GRID1: variants seen among roughly 807,000 people sequenced by gnomAD.
GRID1 encodes glutamate receptor ionotropic, delta-1.
GRID1 carries 28 observed loss-of-function variants against 98.0 expected under a neutral mutation model. The ratio of observed to expected loss-of-function variants is 0.29; its 90% CI spans 0.21 to 0.39. The LOEUF (loss-of-function observed/expected upper bound fraction) is 0.39, where lower values mean the gene tolerates loss of function less well. GRID1 is among the 10% of genes least tolerant of loss of function. GRID1 has a pLI of 1.00. For synonymous variants in GRID1, 553 were observed against 538.5 expected (o/e 1.03, Z -0.37); for missense variants, 1,111 against 1,340.5 (o/e 0.83, Z 2.67).
chr10:85,648,356 G>C (rs1843224140), intron 12 of GRID1, among the ~76,000 whole-genome samples: 1 of 152,130 alleles, frequency 6.6e-6, no homozygotes, highest in African/African-American at 2.4e-5. Flanking sequence ...TCAGCGTGTT[G>C]ACAGAACGTC....
Position 86,138,901 on chromosome 10 carries a change from T to A in GRID1, c.644A>T (p.Glu215Val). The A allele has an allele frequency of 6.2e-7, 1 of 1,614,140 alleles. No individual in the cohort carries two copies. The highest frequency in any genetic ancestry group is 8.5e-7 in the Non-Finnish European group (1 of 1,179,940). The change falls in exon 4 of 16, where the codon GAG becomes GTG. Residue 215 changes from glutamate to valine, a missense_variant. Glu to Val is a moderately radical substitution (Grantham distance 121). Around this residue, in one of 3 missense-constraint regions of GRID1, gnomAD observed 346 missense variants for 452.3 expected, o/e 0.76. Coordinates refer to ENST00000327946, the MANE Select transcript of GRID1 (RefSeq NM_017551.3). ...FTSLFTTMKT[E>V]ELNRYRDTLR... Reference sequence around the variant, plus strand: ...CGTGTCCCGGTAGCGATTCAGCTCCTCTGTCTTCATCGTGGTGAAGAGGCT... The same window carrying A: ...CGTGTCCCGGTAGCGATTCAGCTCCACTGTCTTCATCGTGGTGAAGAGGCT...
At chr10:85,840,356 T>A (rs1028073581) in intron 8 of GRID1, among the ~76,000 whole-genome samples, 2 of 152,010 alleles carry the variant, frequency 1.3e-5, no homozygotes, top group Admixed American at 6.6e-5. Flanking sequence ...AAGAGCCATA[T>A]GTAAAAAACC....
At chr10:85,864,411 C>T (rs78191556) in intron 6 of GRID1, among the ~76,000 whole-genome samples, 11,280 of 152,320 alleles carry the variant, frequency 0.074, 483 homozygotes, top group Middle Eastern at 0.13. Flanking sequence ...TATCTGTCCA[C>T]ACCCAAGGCT....
At chr10:86,084,537 A>G (rs990181592) in intron 4 of GRID1, among the ~76,000 whole-genome samples, 1 of 152,238 alleles carries the variant, frequency 6.6e-6, no homozygotes, top group Admixed American at 6.5e-5. Context: ...CACTGAACAT[A>G]TACCCAAAAT....
rs76011457 is a variant in GRID1, at chr10:86,072,060, C to T, written c.726+66759G>A. Among the ~76,000 whole-genome samples, 288 of 152,140 alleles carry T rather than the reference C, an allele frequency of 1.9e-3. 11 individuals are homozygous for T. In the East Asian group the frequency reaches 0.05, roughly 26 times the overall value. ...CAGGTGAGAGGAAGATGGGAGGAAC[C>T]GGGGGTGAAGGAAAGGTAGCCTAGT... On this transcript the variant is annotated intron_variant, in intron 4 of 15. Transcript: ENST00000327946.
intron 4 of GRID1, among the ~76,000 whole-genome samples, chr10:86,004,313 G>A (rs1222870828): frequency 6.6e-6 from 1 of 152,198 alleles, no homozygotes; most frequent in African/African-American, 2.4e-5. Flanking sequence ...TATCAAAGAA[G>A]AGATAGATAT....
At chr10:86,350,247 AG>A (rs1339015860) in intron 2 of GRID1, among the ~76,000 whole-genome samples, 1 of 152,200 alleles carries the variant, frequency 6.6e-6, no homozygotes, top group Non-Finnish European at 1.5e-5. Flanking sequence ...AGCCCTGGCA[AG>A]GGGTCTGGAT....
intron 8 of GRID1, among the ~76,000 whole-genome samples, chr10:85,799,113 T>C (rs1176780227): frequency 2.0e-5 from 3 of 152,146 alleles, no homozygotes; most frequent in South Asian, 2.1e-4. Context: ...CTTTTTCTAA[T>C]GTCTGCTCTT....
intron 13 of GRID1, 21 bp from the exon 14 acceptor site, chr10:85,620,054 T>C (rs2292310): frequency 0.048 from 77,280 of 1,608,686 alleles, 3,111 homozygotes; most frequent in African/African-American, 0.21. Context: ...AAAATTACCA[T>C]GAAGTCAGGC....
At chr10:86,109,636 T>C (rs1319543124) in intron 4 of GRID1, among the ~76,000 whole-genome samples, 1 of 152,228 alleles carries the variant, frequency 6.6e-6, no homozygotes, top group Admixed American at 6.5e-5. Context: ...AGAAGGCCTC[T>C]CTATGTCATC....
intron 4 of GRID1, among the ~76,000 whole-genome samples, chr10:85,974,803 T>A (rs1262887295): frequency 1.3e-5 from 2 of 152,200 alleles, no homozygotes; most frequent in Non-Finnish European, 2.9e-5. Flanking sequence ...ATTTTTTATT[T>A]TTGCAGTGAC....
At chr10:86,138,562 A>G (rs1844962614) in intron 4 of GRID1, among the ~76,000 whole-genome samples, 1 of 152,204 alleles carries the variant, frequency 6.6e-6, no homozygotes, top group African/African-American at 2.4e-5. Flanking sequence ...AGTGACTTGT[A>G]AACAGGCTTC....
intron 4 of GRID1, among the ~76,000 whole-genome samples, chr10:86,024,471 G>A (rs775538234): frequency 1.3e-5 from 2 of 152,074 alleles, no homozygotes; most frequent in South Asian, 2.1e-4. Context: ...AACTTCAATT[G>A]GCCTAAAATA....
In GRID1 at chr10:86,287,766, G is replaced by A. The variant is rs552660973; in HGVS notation, c.235+76175C>T. 6.6e-5 allele frequency among the ~76,000 whole-genome samples: 10 copies of A among 151,844 alleles called. No homozygotes were observed. The South Asian group carries it at 8.4e-4, about 13-fold the overall frequency. On this transcript the variant is annotated intron_variant, in intron 2 of 15. Transcript: ENST00000327946. ...AGTTTCACAGTTTAAATGGTTTCTC[G>A]GTGGTCAGCCTAACTTCTGAGCCAC...
At chr10:86,258,110 A>G (rs1041629155) in intron 2 of GRID1, among the ~76,000 whole-genome samples, 2 of 152,220 alleles carry the variant, frequency 1.3e-5, no homozygotes. Context: ...GAAAACTCAA[A>G]GTGCAGTAAA....
At chr10:86,245,495 CTTTACTCCATTCCTCCTCTACCAT>C (rs1846709679) in intron 2 of GRID1, among the ~76,000 whole-genome samples, 2 of 149,502 alleles carry the variant, frequency 1.3e-5, no homozygotes, top group Non-Finnish European at 3.0e-5. Context: ...CTACCATTTG[CTTTACTCCATTCCTCCTCTACCAT>C]TTGCTTTACT....
At chr10:85,754,490 C>T (rs958650436) in intron 8 of GRID1, among the ~76,000 whole-genome samples, 3 of 152,062 alleles carry the variant, frequency 2.0e-5, no homozygotes, top group African/African-American at 7.2e-5. Context: ...ATCCTCTGAG[C>T]ATATGAGACT....
intron 5 of GRID1, among the ~76,000 whole-genome samples, chr10:85,909,617 A>G (rs1289434112): frequency 6.6e-6 from 1 of 152,238 alleles, no homozygotes; most frequent in Admixed American, 6.5e-5. Flanking sequence ...ATGAATCTCA[A>G]AATAATTTCA....
intron 4 of GRID1, chr10:86,052,368 A>G (rs1397076152): frequency 6.6e-6 from 1 of 152,198 alleles, no homozygotes; most frequent in African/African-American, 2.4e-5. Flanking sequence ...TTTACCCAAT[A>G]CCTTTTTACA....
Sources: allele counts gnomAD v4.1 joint callset (sites outside exome capture counted in the v4.1 genomes callset), GRCh38; gene constraint gnomAD v4.1.1; regional missense constraint gnomAD v4.1.1; transcripts MANE v1.5; gene names NCBI Gene and HGNC (gene_info 2026-07-23, HGNC 2026-07-21).